CYP26C1: variants seen among roughly 807,000 people sequenced by gnomAD.
CYP26C1 encodes cytochrome P450 26C1.
Under a neutral mutation model 39.1 loss-of-function variants are expected in CYP26C1, and 41 were observed. That is an observed-to-expected ratio of 1.05 (90% CI 0.82 to 1.36). The LOEUF is 1.36. CYP26C1 is among the 40% of genes most tolerant of loss of function. The pLI is 0.00. For missense variants in CYP26C1, 833 were observed against 752.0 expected, an observed-to-expected ratio of 1.11 and a Z score of -1.26; for synonymous variants, 362 against 350.8, an observed-to-expected ratio of 1.03 and a Z score of -0.36.
At chr10:93,063,326 C>T (rs1432093463) in intron 3 of CYP26C1, 4 of 1,097,778 alleles carry the variant, frequency 3.6e-6, no homozygotes, top group Admixed American at 5.2e-5. Flanking sequence ...GGACTCCTTC[C>T]CACAGCGGCG....
At position 93,061,172 on chromosome 10, in the gene CYP26C1, G is replaced by C; in HGVS notation, c.-92G>C. 1 of 1,369,752 alleles carries C rather than the reference G, an allele frequency of 7.3e-7. No homozygotes were observed. The allele number at this position is 1,369,752 out of a possible 1,614,324, so 84.8% of individuals were successfully genotyped here. ...CCAAACCCCAGGCCTTTTGCGGACG[G>C]AACAGGTGAGCACTGCGCACTGCTC... On this transcript the variant is annotated 5_prime_UTR_variant, in exon 1 of 6. Coordinates refer to ENST00000651965, the MANE Select transcript of CYP26C1 (RefSeq NM_183374.3).
rs536736186 is a variant in CYP26C1, at chr10:93,063,255, C to T, written c.705+260C>T. On this transcript the variant is annotated intron_variant, in intron 3 of 5. Transcript: ENST00000651965. ...CGCGCCTGCCGCGACGCGCTCCAGC[C>T]TGAGCAAGCGCGGGCCGCCAGAGTT... 21 of 1,218,458 alleles carry T rather than the reference C, an allele frequency of 1.7e-5. No homozygotes were observed. In the African/African-American group the frequency reaches 3.0e-4, roughly 17 times the overall value. The allele number at this position is 1,218,458 out of a possible 1,614,324, so 75.5% of individuals were successfully genotyped here.
intron 3 of CYP26C1, 123 bp from the exon 4 acceptor site, chr10:93,064,258 G>C: frequency 6.9e-7 from 1 of 1,449,066 alleles, no homozygotes; most frequent in Non-Finnish European, 9.1e-7. Flanking sequence ...CAGGAGCTAA[G>C]CTGGGAAGCT....
chr10:93,062,217 C>T lies in CYP26C1; in HGVS notation c.412C>T (p.His138Tyr), dbSNP rs1846759760. Residue 138 changes from histidine (H) to tyrosine (Y), a missense_variant, in exon 2 of 6, where the codon CAC becomes TAC. Physicochemically the swap from His to Tyr is moderately conservative, Grantham distance 83. Coordinates refer to ENST00000651965, the MANE Select transcript of CYP26C1 (RefSeq NM_183374.3). ...HTLLGAVGEP[H>Y]RRRRKVLARV... The stretch of plus-strand genomic sequence containing the variant: ...ACTGCTAGGTGCGGTCGGCGAGCCG[C>T]ACCGGCGGCGGCGCAAGGTGAGTGG... The T allele has an allele frequency of 6.6e-7, 1 of 1,524,206 alleles. No individual in the cohort carries two copies. The highest frequency in any genetic ancestry group is 8.8e-7 in the Non-Finnish European group (1 of 1,139,698). 94.4% of individuals were successfully genotyped at this position (1,524,206 alleles called of 1,614,324 possible).
At position 93,064,484 on chromosome 10, in the gene CYP26C1, T is replaced by A; in HGVS notation, c.809T>A (p.Ile270Asn). The change falls in exon 4 of 6, where the codon ATC becomes AAC. Residue 270 changes from isoleucine (I) to asparagine (N), a missense_variant. Coordinates refer to ENST00000651965, the MANE Select transcript of CYP26C1 (RefSeq NM_183374.3). ...AAEPGDALDL[I>N]IHSARELGHE... ...GAGCCGGGTGATGCCCTCGACCTAA[T>A]CATTCACAGTGCAAGGGAGCTGGGC... 6.2e-7 allele frequency: 1 copy of A among 1,614,102 alleles called. No homozygotes were observed. The highest frequency in any genetic ancestry group is 8.5e-7 in the Non-Finnish European group (1 of 1,180,016).
intron 5 of CYP26C1, among the ~76,000 whole-genome samples, chr10:93,067,041 C>T (rs1293188406): frequency 6.6e-6 from 1 of 152,242 alleles, no homozygotes; most frequent in Non-Finnish European, 1.5e-5. Context: ...GAAAGGCTGT[C>T]GTTGCAGTCC....
At position 93,063,070 on chromosome 10, in the gene CYP26C1, G is replaced by A. The variant is rs1449289777; in HGVS notation, c.705+75G>A. 4.1e-6 allele frequency: 6 copies of A among 1,480,754 alleles called. 1 individual carries two copies. The South Asian group carries it at 5.5e-5, about 13-fold the overall frequency. The allele number at this position is 1,480,754 out of a possible 1,614,324, so 91.7% of individuals were successfully genotyped here. Reference sequence around the variant, plus strand: ...CGGGCCTCCCAGACCCAGACGGGACGCCCTCGGCGCACCCCGCGCGTCCGT... The same window carrying A: ...CGGGCCTCCCAGACCCAGACGGGACACCCTCGGCGCACCCCGCGCGTCCGT... On this transcript the variant is annotated intron_variant, in intron 3 of 5. Coordinates refer to ENST00000651965, the MANE Select transcript of CYP26C1 (RefSeq NM_183374.3).
Position 93,061,275 on chromosome 10 carries a change from G to C in CYP26C1, c.12G>C (p.Trp4Cys), listed in dbSNP as rs1289117512. Residue 4 changes from tryptophan (W) to cysteine (C), a missense_variant, in exon 1 of 6, where the codon TGG becomes TGC. Physicochemically the swap from Trp to Cys is radical, Grantham distance 215. Transcript: ENST00000651965. MFPWGLSCLSVLGA... is the reference protein window; with the variant it reads MFPCGLSCLSVLGA... The stretch of plus-strand genomic sequence containing the variant: ...CCCGCGGGCTCATCATGTTCCCTTG[G>C]GGGCTGAGCTGCCTGTCAGTGCTGG... The C allele has an allele frequency of 2.5e-6, 4 of 1,584,572 alleles. No individual in the cohort carries two copies. The highest frequency in any genetic ancestry group is 1.2e-5 in the South Asian group (1 of 86,740).
At chr10:93,061,758 G>A (rs1358606321) in intron 1 of CYP26C1, among the ~76,000 whole-genome samples, 1 of 152,212 alleles carries the variant, frequency 6.6e-6, no homozygotes, top group African/African-American at 2.4e-5. Context: ...TAGAAAAGGA[G>A]CCTGGAGCTT....
chr10:93,064,665 G>A (rs2134413166), intron 4 of CYP26C1, 129 bp downstream of exon 4: 1 of 1,460,738 alleles, frequency 6.8e-7, no homozygotes, highest in Non-Finnish European at 9.0e-7. Flanking sequence ...TCAAGATGAG[G>A]GGCAAGAGGA....
chr10:93,068,271 C>T (rs994698776), intron 5 of CYP26C1, 49 bp from the exon 6 acceptor site: 9 of 1,480,968 alleles, frequency 6.1e-6, no homozygotes, highest in Non-Finnish European at 8.1e-6. Context: ...CAGGGCCCCC[C>T]CGTTTCCAGG....
chr10:93,066,443 C>A (rs1484593402), intron 5 of CYP26C1, among the ~76,000 whole-genome samples, 158 bp downstream of exon 5: 2 of 152,336 alleles, frequency 1.3e-5, no homozygotes, highest in East Asian at 3.9e-4. Flanking sequence ...GCCTTCCGTC[C>A]TATAAAATGG....
rs1399950779 is a variant in CYP26C1 at position 93,066,317 on chromosome 10, TCCTGCCTCCTGCCGCCTGCCG to T, written c.1191+39_1191+59del. 2.4e-6 allele frequency: 3 copies of T among 1,261,856 alleles called. No homozygotes were observed. In the African/African-American group the frequency reaches 4.9e-5, roughly 21 times the overall value. 78.2% of individuals were successfully genotyped at this position (1,261,856 alleles called of 1,614,324 possible). The stretch of plus-strand genomic sequence containing the variant: ...GCGCCGTGCCAGCCCATGGCCAGCC[TCCTGCCTCCTGCCGCCTGCCG>T]CCTGCCGCCTGCCGCCTGCCGCGGC... On this transcript the variant is annotated intron_variant, in intron 5 of 5. Transcript: ENST00000651965.
In CYP26C1 at chr10:93,061,277, G is replaced by C; in HGVS notation, c.14G>C (p.Gly5Ala). The C allele has an allele frequency of 6.3e-7, 1 of 1,585,894 alleles. No individual in the cohort carries two copies. The highest frequency in any genetic ancestry group is 8.6e-7 in the Non-Finnish European group (1 of 1,167,914). ...CGCGGGCTCATCATGTTCCCTTGGG[G>C]GCTGAGCTGCCTGTCAGTGCTGGGG... The part of the protein sequence containing the change: MFPW[G>A]LSCLSVLGAA... Residue 5 changes from glycine to alanine, a missense_variant, in exon 1 of 6, where the codon GGG becomes GCG. By Grantham distance (60) the Gly-to-Ala change is moderately conservative. Coordinates refer to ENST00000651965, the MANE Select transcript of CYP26C1 (RefSeq NM_183374.3).
chr10:93,060,828 G>T lies in CYP26C1; in HGVS notation c.-436G>T. 1.9e-5 allele frequency: 4 copies of T among 205,720 alleles called. No homozygotes were observed. Among genetic ancestry groups the T allele is most frequent in the Non-Finnish European group, 3.9e-5 (4 of 103,116 alleles). 12.7% of individuals were successfully genotyped at this position (205,720 alleles called of 1,614,324 possible). ...TAAACGACTGGAGGAGGGACAGGTG[G>T]GGCGGGGGTCTGCAGACCAGGTTGG... is the stretch of plus-strand genomic sequence containing the variant. On this transcript the variant is annotated 5_prime_UTR_variant, in exon 1 of 6. Coordinates refer to ENST00000651965, the MANE Select transcript of CYP26C1 (RefSeq NM_183374.3).
intron 3 of CYP26C1, 103 bp downstream of exon 3, chr10:93,063,098 C>A (rs1292337334): frequency 1.0e-5 from 15 of 1,465,654 alleles, no homozygotes; most frequent in Non-Finnish European, 1.3e-5. Flanking sequence ...GCGTCCGTCA[C>A]CTCTGCTGGG....
Position 93,065,980 on chromosome 10 carries a change from G to T in CYP26C1, c.886G>T (p.Ala296Ser). The change falls in exon 5 of 6, where the codon GCC becomes TCC. Residue 296 changes from alanine (A) to serine (S), a missense_variant. Physicochemically the swap from Ala to Ser is moderately conservative, Grantham distance 99 (BLOSUM62 1). Transcript: ENST00000651965. The stretch of plus-strand genomic sequence containing the variant: ...GGAGTCGGCTGTGGAGCTCCTCTTC[G>T]CCGCCTTCTTCACCACGGCCAGTGC... The part of the protein sequence containing the change: ...LKESAVELLF[A>S]AFFTTASAST... 1 of 1,582,212 alleles carries T rather than the reference G, an allele frequency of 6.3e-7. No homozygotes were observed. Among genetic ancestry groups the T allele is most frequent in the East Asian group, 2.5e-5 (1 of 40,304 alleles).
chr10:93,064,596 C>G (rs1846799605), intron 4 of CYP26C1, 60 bp downstream of exon 4: 1 of 1,558,046 alleles, frequency 6.4e-7, no homozygotes, highest in Admixed American at 1.8e-5. Context: ...GTCCCTACAC[C>G]AATGCTGCAT....
Position 93,066,230 on chromosome 10 carries a change from T to G in CYP26C1, c.1136T>G (p.Leu379Arg), listed in dbSNP as rs1285753019. 7 of 1,473,444 alleles carry G rather than the reference T, an allele frequency of 4.8e-6. No individual in the cohort carries two copies. Among genetic ancestry groups the G allele is most frequent in the Non-Finnish European group, 5.4e-6 (6 of 1,115,144 alleles). The allele number at this position is 1,473,444 out of a possible 1,614,324, so 91.3% of individuals were successfully genotyped here. A position where few individuals can be genotyped will look rare whatever the true frequency, so the allele number is the denominator to read the frequency against. ...TGCGTGGTCAAGGAGGTGCTGCGCC[T>G]CCTGCCGCCAGTGTCCGGGGGCTAC... ...VDCVVKEVLRLLPPVSGGYRT... is the reference protein window; with the variant it reads ...VDCVVKEVLRRLPPVSGGYRT... Residue 379 changes from leucine (L) to arginine (R), a missense_variant, in exon 5 of 6, where the codon CTC becomes CGC. Leu to Arg is a moderately radical substitution (Grantham distance 102, BLOSUM62 -2). Coordinates refer to ENST00000651965, the MANE Select transcript of CYP26C1 (RefSeq NM_183374.3).
Sources: gnomAD v4.1 joint callset for allele counts (sites outside exome capture counted in the v4.1 genomes callset) on GRCh38, gnomAD v4.1.1 for gene constraint, MANE v1.5 for transcripts, NCBI Gene and HGNC (gene_info 2026-07-23, HGNC 2026-07-21) for gene names.